Variants in GATA6 observed in about 807,000 individuals in gnomAD.
The protein encoded by GATA6 is GATA binding protein 6.
A neutral mutation model predicts 48.1 loss-of-function variants in GATA6; 11 were observed. The observed-to-expected ratio is 0.23, with a 90% CI of 0.14 to 0.38. The LOEUF is 0.38. Among genes scored for constraint, GATA6 ranks in the 10% least tolerant of loss-of-function variants. GATA6 has a pLI of 1.00. For synonymous variants in GATA6, 419 were observed against 396.1 expected (o/e 1.06, Z -0.69); for missense variants, 795 against 850.3 (o/e 0.93, Z 0.81).
rs1322434152 is a variant in GATA6, at chr18:22,193,340, CCT to C, written c.1621-7313_1621-7312del. Among the ~76,000 whole-genome samples the C allele has an allele frequency of 2.6e-5, 4 of 152,108 alleles. No homozygotes were observed. The East Asian group carries it at 7.7e-4, about 29-fold the overall frequency. On this transcript the variant is annotated intron_variant, in intron 6 of 6. Coordinates refer to ENST00000269216, the MANE Select transcript of GATA6 (RefSeq NM_005257.6). ...CTATTACTGTCACTTTGTATCTGGT[CCT>C]CTGTTACCTCCAGCCAAACTGAAAT...
Position 22,200,861 on chromosome 18 carries a change from G to A in GATA6, c.*38G>A. 6.3e-7 allele frequency: 1 copy of A among 1,578,646 alleles called. No homozygotes were observed. Among genetic ancestry groups the A allele is most frequent in the Non-Finnish European group, 8.6e-7 (1 of 1,161,668 alleles). On this transcript the variant is annotated 3_prime_UTR_variant, in exon 7 of 7. Transcript: ENST00000269216. ...AGGAGGCAGGGAGGGCTCCGCCGCG[G>A]GCCTCACTCCACTCGTGTCTGCTTT...
chr18:22,195,203 C>T (rs1411921771), intron 6 of GATA6, among the ~76,000 whole-genome samples: 2 of 152,118 alleles, frequency 1.3e-5, no homozygotes, highest in Non-Finnish European at 1.5e-5. Context: ...ATGGAGCTGA[C>T]GTGTTGATTG....
Position 22,172,112 on chromosome 18 carries a change from A to G in GATA6, c.968A>G (p.Tyr323Cys), listed in dbSNP as rs2143278240. Reference sequence around the variant, plus strand: ...GCCGCGCGGCCGCTGAACGGGACGTACCACCACCACCACCACCACCACCAC... The same window carrying G: ...GCCGCGCGGCCGCTGAACGGGACGTGCCACCACCACCACCACCACCACCAC... ...LSAARPLNGT[Y>C]HHHHHHHHHH... The change falls in exon 2 of 7, where the codon TAC becomes TGC. Residue 323 changes from tyrosine (Y) to cysteine (C), a missense_variant. Coordinates refer to ENST00000269216, the MANE Select transcript of GATA6 (RefSeq NM_005257.6). The surrounding 1 kb of genome is among the most constrained non-coding windows in gnomAD (Gnocchi z 5.2). 2.7e-6 allele frequency: 3 copies of G among 1,117,702 alleles called. No individual in the cohort carries two copies. Among genetic ancestry groups the G allele is most frequent in the Non-Finnish European group, 2.3e-6 (2 of 880,710 alleles). 69.2% of individuals were successfully genotyped at this position (1,117,702 alleles called of 1,614,324 possible).
rs1036552014 is a variant in GATA6, at chr18:22,170,186, C to T, written c.-38+504C>T. 6.6e-6 allele frequency among the ~76,000 whole-genome samples: 1 copy of T among 152,200 alleles called. No homozygotes were observed. Among genetic ancestry groups the T allele is most frequent in the East Asian group, 1.9e-4 (1 of 5,168 alleles). On this transcript the variant is annotated intron_variant, in intron 1 of 6. Transcript: ENST00000269216. The surrounding 1 kb of genome is among the most constrained non-coding windows in gnomAD (Gnocchi z 6.7). Reference sequence around the variant, plus strand: ...CTGGGGCGGTCTCACGCTCCCCCCTCCCCAGCCCGTTGCGTTCCCCCTCCT... The same window carrying T: ...CTGGGGCGGTCTCACGCTCCCCCCTTCCCAGCCCGTTGCGTTCCCCCTCCT...
At chr18:22,174,727 G>A (rs2033099433) in intron 2 of GATA6, among the ~76,000 whole-genome samples, 1 of 147,822 alleles carries the variant, frequency 6.8e-6, no homozygotes, top group Non-Finnish European at 1.5e-5. Context: ...CTGTTTCTTA[G>A]ATTTTTTTTT....
At position 22,170,136 on chromosome 18, in the gene GATA6, T is replaced by G. The variant is rs1049574481; in HGVS notation, c.-38+454T>G. 1.3e-5 allele frequency among the ~76,000 whole-genome samples: 2 copies of G among 152,116 alleles called. No individual in the cohort carries two copies. The highest frequency in any genetic ancestry group is 4.8e-5 in the African/African-American group (2 of 41,412). ...CGAGTCTCCCTGTCATTCTTCCTGC[T>G]CTCCCATTTGGGGTCGCCTCGGCTC... On this transcript the variant is annotated intron_variant, in intron 1 of 6. Coordinates refer to ENST00000269216, the MANE Select transcript of GATA6 (RefSeq NM_005257.6). The surrounding 1 kb of genome is among the most constrained non-coding windows in gnomAD (Gnocchi z 6.7).
intron 6 of GATA6, among the ~76,000 whole-genome samples, chr18:22,195,876 T>C (rs139972677): frequency 5.3e-4 from 80 of 152,370 alleles, no homozygotes; most frequent in African/African-American, 1.8e-3. Context: ...CTATAGTTTC[T>C]ACTATTAGAA....
rs564934973 is a variant in GATA6 at position 22,200,688 on chromosome 18, G to A, written c.1653G>A (p.Glu551=). 1.4e-4 allele frequency: 222 copies of A among 1,614,210 alleles called. 1 individual carries two copies. In the South Asian group the frequency reaches 2.3e-3, roughly 17 times the overall value. The change falls in exon 7 of 7, where the codon GAG becomes GAA. Residue 551 remains glutamate, a synonymous_variant. Coordinates refer to ENST00000269216, the MANE Select transcript of GATA6 (RefSeq NM_005257.6). ...AGAPVMTGAG[E]STNPENSELK... ...CCCCGGTGATGACTGGTGCGGGAGA[G>A]AGCACCAATCCCGAGAACAGCGAGC... is the stretch of plus-strand genomic sequence containing the variant.
In GATA6 at chr18:22,171,569, A is replaced by C; in HGVS notation, c.425A>C (p.Glu142Ala). The C allele has an allele frequency of 6.2e-7, 1 of 1,601,582 alleles. No individual in the cohort carries two copies. The highest frequency in any genetic ancestry group is 2.2e-5 in the East Asian group (1 of 44,558). ...RGAKLSPFAP[E>A]QPEEMYQTLA... Reference sequence around the variant, plus strand: ...GCCAAGCTGAGCCCCTTCGCACCCGAGCAGCCGGAGGAGATGTACCAGACC... The same window carrying C: ...GCCAAGCTGAGCCCCTTCGCACCCGCGCAGCCGGAGGAGATGTACCAGACC... The change falls in exon 2 of 7, where the codon GAG (glutamate) becomes GCG (alanine). Residue 142 changes from glutamate (E) to alanine (A), a missense_variant. Physicochemically the swap from Glu to Ala is moderately radical, Grantham distance 107. Around this residue, in one of 5 missense-constraint regions of GATA6, gnomAD observed 591 missense variants for 570.0 expected, o/e 1.04. Coordinates refer to ENST00000269216, the MANE Select transcript of GATA6 (RefSeq NM_005257.6). This position sits in a 1 kb window ranked among gnomAD's most constrained non-coding sequence, Gnocchi z 7.1.
Position 22,201,167 on chromosome 18 carries a change from GCTT to G in GATA6, c.*350_*352del, listed in dbSNP as rs545102362. 7.6e-4 allele frequency: 232 copies of G among 304,762 alleles called. No individual in the cohort carries two copies. Among genetic ancestry groups the G allele is most frequent in the African/African-American group, 4.6e-3 (218 of 47,266 alleles). The allele number at this position is 304,762 out of a possible 1,614,324, so 18.9% of individuals were successfully genotyped here. On this transcript the variant is annotated 3_prime_UTR_variant, in exon 7 of 7. Coordinates refer to ENST00000269216, the MANE Select transcript of GATA6 (RefSeq NM_005257.6). ...TTTTGCATTTTGTCCAAAATCATGT[GCTT>G]CTTCTGATCAATTTTGGTTGTTCCA...
At position 22,177,944 on chromosome 18, in the gene GATA6, GTTTTTTTGTTT is replaced by G. The variant is rs538039100; in HGVS notation, c.1302+831_1302+841del. 4.9e-3 allele frequency among the ~76,000 whole-genome samples: 380 copies of G among 77,798 alleles called. 21 individuals carry two copies. Among genetic ancestry groups the G allele is most frequent in the African/African-American group, 0.022 (350 of 15,820 alleles). The allele number at this position is 77,798 out of a possible 152,430, so 51.0% of individuals were successfully genotyped here. ...TTCCCCAATTCGCACACGTTTTACT[GTTTTTTTGTTT>G]TTTTTTTTTTTTTTTTTTTTTTTGA... On this transcript the variant is annotated intron_variant, in intron 3 of 6. Coordinates refer to ENST00000269216, the MANE Select transcript of GATA6 (RefSeq NM_005257.6).
At chr18:22,174,355 A>T (rs1026971707) in intron 2 of GATA6, among the ~76,000 whole-genome samples, 1 of 152,170 alleles carries the variant, frequency 6.6e-6, no homozygotes, top group African/African-American at 2.4e-5. Context: ...TGTTTACAGT[A>T]ACTGGTCCTG....
At chr18:22,199,900 C>CAAA (rs35638046) in intron 6 of GATA6, among the ~76,000 whole-genome samples, 92 of 68,328 alleles carry the variant, frequency 1.3e-3, no homozygotes, top group African/African-American at 3.8e-3. Context: ...GACTCTGTTT[C>CAAA]AAAAAAAAAA....
chr18:22,187,495 A>T (rs8093907), intron 6 of GATA6, among the ~76,000 whole-genome samples: 6,177 of 145,520 alleles, frequency 0.042, 388 homozygotes, highest in African/African-American at 0.15. Context: ...AAAAAAAAAA[A>T]TTTTTTTTCT....
At chr18:22,200,265 A>T (rs2033443486) in intron 6 of GATA6, among the ~76,000 whole-genome samples, 2 of 152,160 alleles carry the variant, frequency 1.3e-5, no homozygotes, top group Non-Finnish European at 2.9e-5. Flanking sequence ...TGTGTGCATC[A>T]TTAATGCCTA....
chr18:22,201,740 A>G lies in GATA6; in HGVS notation c.*917A>G, dbSNP rs1598744041. 6.6e-6 allele frequency: 1 copy of G among 152,650 alleles called. No homozygotes were observed. Among genetic ancestry groups the G allele is most frequent in the Admixed American group, 6.5e-5 (1 of 15,284 alleles). The allele number at this position is 152,650 out of a possible 1,614,324, so 9.5% of individuals were successfully genotyped here. On this transcript the variant is annotated 3_prime_UTR_variant, in exon 7 of 7. Transcript: ENST00000269216. The stretch of plus-strand genomic sequence containing the variant: ...TAAGAATTTTTATACAAGAACACCA[A>G]TATACCCCCTTTATTTTACTGTGGA...
intron 6 of GATA6, among the ~76,000 whole-genome samples, chr18:22,195,211 T>C (rs2033376038): frequency 6.6e-6 from 1 of 152,186 alleles, no homozygotes; most frequent in African/African-American, 2.4e-5. Context: ...GACGTGTTGA[T>C]TGTTTTAACT....
intron 3 of GATA6, 52 bp downstream of exon 3, chr18:22,177,173 G>A: frequency 6.8e-7 from 1 of 1,481,156 alleles, no homozygotes; most frequent in Non-Finnish European, 9.0e-7. Flanking sequence ...GGGCTCTCCT[G>A]GCCCGGCCGG....
chr18:22,198,695 A>G (rs761268165), intron 6 of GATA6, among the ~76,000 whole-genome samples: 9 of 152,208 alleles, frequency 5.9e-5, no homozygotes, highest in African/African-American at 1.7e-4. Flanking sequence ...TTAAATCTGG[A>G]TCCACACTGG....
Sources: allele counts gnomAD v4.1 joint callset (sites outside exome capture counted in the v4.1 genomes callset), GRCh38; gene constraint gnomAD v4.1.1; regional missense constraint gnomAD v4.1.1; non-coding constraint Gnocchi (gnomAD v3.1); transcripts MANE v1.5; gene names NCBI Gene and HGNC (gene_info 2026-07-23, HGNC 2026-07-21).